The following GRIN2C variants were observed in gnomAD, a reference collection of about 807,000 sequenced individuals.
GRIN2C encodes glutamate ionotropic receptor NMDA type subunit 2C, also known as glutamate receptor ionotropic, NMDA 2C.
GRIN2C carries 64 observed loss-of-function variants against 77.7 expected under a neutral mutation model. The ratio of observed to expected loss-of-function variants is 0.82; its 90% CI spans 0.67 to 1.01. GRIN2C has a LOEUF of 1.01. Among genes scored for constraint, GRIN2C ranks in the 50% least tolerant of loss-of-function variants. GRIN2C has a pLI of 0.00. For synonymous variants in GRIN2C, 792 were observed against 643.4 expected, an observed-to-expected ratio of 1.23 and a Z score of -3.49; for missense variants, 1,549 against 1,486.0, an observed-to-expected ratio of 1.04 and a Z score of -0.70.
At position 74,842,448 on chromosome 17, in the gene GRIN2C, T is replaced by C. The variant is rs776414496; in HGVS notation, c.3689A>G (p.Glu1230Gly). 2.6e-6 allele frequency: 2 copies of C among 775,026 alleles called. No individual in the cohort carries two copies. The highest frequency in any genetic ancestry group is 4.8e-6 in the Non-Finnish European group (2 of 416,246). The allele number at this position is 775,026 out of a possible 1,614,324, so 48.0% of individuals were successfully genotyped here. The change falls in exon 13 of 13, where the codon GAG (glutamate) becomes GGG (glycine). Residue 1230 changes from glutamate (E) to glycine (G), a missense_variant. Glu to Gly is a moderately conservative substitution (Grantham distance 98). Coordinates refer to ENST00000293190, the MANE Select transcript of GRIN2C (RefSeq NM_000835.6). ...PCTWRRISSL[E>G]SEV ...GTGGCTGATAACTCACACTTCTGACTCCAGACTGGAGATCCGTCTCCAGGT... is the reference window on the plus strand; with the variant it reads ...GTGGCTGATAACTCACACTTCTGACCCCAGACTGGAGATCCGTCTCCAGGT...
intron 1 of GRIN2C, among the ~76,000 whole-genome samples, chr17:74,856,779 ATC>A (rs545457167): frequency 3.3e-5 from 5 of 151,696 alleles, no homozygotes; most frequent in Non-Finnish European, 5.9e-5. Flanking sequence ...ACACCCAGCT[ATC>A]TCTCTCTTTT....
intron 7 of GRIN2C, 37 bp from the exon 8 acceptor site, chr17:74,848,014 T>C (rs2037518760): frequency 3.7e-6 from 6 of 1,612,416 alleles, no homozygotes; most frequent in Non-Finnish European, 4.2e-6. Flanking sequence ...GGCCTCGGCA[T>C]GTTCCCTGCC....
intron 2 of GRIN2C, 62 bp from the exon 3 acceptor site, chr17:74,852,673 C>T (rs2037701650): frequency 1.3e-6 from 1 of 747,248 alleles, no homozygotes; most frequent in South Asian, 2.7e-5. Context: ...GCCCCTTCCC[C>T]GACCTCGGCC....
In GRIN2C at chr17:74,849,256, C is replaced by T. The variant is rs1000709621; in HGVS notation, c.1645+524G>A. ...GCCAGCCTCAGCTCTTCCCCTGCCC[C>T]TCGCCTGTCTTCACAGCTCTCTGCC... is the stretch of plus-strand genomic sequence containing the variant. On this transcript the variant is annotated intron_variant, in intron 7 of 12. Coordinates refer to ENST00000293190, the MANE Select transcript of GRIN2C (RefSeq NM_000835.6). This position sits in a 1 kb window ranked among gnomAD's most constrained non-coding sequence, Gnocchi z 4.6. Among the ~76,000 whole-genome samples the T allele has an allele frequency of 6.6e-6, 1 of 152,176 alleles. No homozygotes were observed. The highest frequency in any genetic ancestry group is 1.5e-5 in the Non-Finnish European group (1 of 68,020).
At chr17:74,855,289 C>T (rs689964) in intron 1 of GRIN2C, among the ~76,000 whole-genome samples, 182 bp from the exon 2 acceptor site, 120,316 of 152,150 alleles carry the variant, frequency 0.79, 48,229 homozygotes, top group African/African-American at 0.91. Context: ...GAGAAAGAGA[C>T]AGAGGTTAGT....
At chr17:74,860,811 G>C (rs2037932698), upstream of GRIN2C, 1 of 315,662 alleles carries the variant, frequency 3.2e-6, no homozygotes, top group Non-Finnish European at 6.2e-6. Context: ...AAGGAGATGG[G>C]GCAGAGCTGG....
Position 74,846,128 on chromosome 17 carries a change from A to T in GRIN2C, c.2288T>A (p.Met763Lys). The T allele has an allele frequency of 6.2e-7, 1 of 1,614,196 alleles. No homozygotes were observed. ...VFATTGYGIAMQKDSHWKRAI... is the reference protein window; with the variant it reads ...VFATTGYGIAKQKDSHWKRAI... ...CCGCTTCCAGTGGGAGTCCTTCTGC[A>T]TGGCGATGCCGTAGCCAGTGGTAGC... The change falls in exon 11 of 13, where the codon ATG (methionine) becomes AAG (lysine). Residue 763 changes from methionine (M) to lysine (K), a missense_variant. Around this residue, in one of 3 missense-constraint regions of GRIN2C, gnomAD observed 717 missense variants for 858.1 expected, o/e 0.84. Transcript: ENST00000293190. The surrounding 1 kb of genome is among the most constrained non-coding windows in gnomAD (Gnocchi z 4.4).
chr17:74,842,978 C>A lies in GRIN2C; in HGVS notation c.3159G>T (p.Pro1053=), dbSNP rs1223229343. 2.0e-6 allele frequency: 1 copy of A among 493,638 alleles called. No individual in the cohort carries two copies. The highest frequency in any genetic ancestry group is 3.5e-6 in the Non-Finnish European group (1 of 288,860). 30.6% of individuals were successfully genotyped at this position (493,638 alleles called of 1,614,324 possible). A position where few individuals can be genotyped will look rare whatever the true frequency, so the allele number is the denominator to read the frequency against. The change falls in exon 13 of 13, where the codon CCG becomes CCT. Residue 1053 remains proline, a synonymous_variant. Transcript: ENST00000293190. ...LPLFPELEDL[P]LLGPEQLARR... is the part of the protein sequence containing the mutation. ...GGGCCAGCTGCTCCGGACCGAGCAG[C>A]GGCAGGTCCTCCAGCTCCGGGAAGA...
upstream of GRIN2C, chr17:74,861,456 G>C (rs1046118699): frequency 6.6e-6 from 1 of 151,936 alleles, no homozygotes; most frequent in African/African-American, 2.4e-5. Context: ...CGCCCGCGAC[G>C]AGAGCCCGCG....
At position 74,843,493 on chromosome 17, in the gene GRIN2C, G is replaced by A. The variant is rs932547853; in HGVS notation, c.2644C>T (p.Pro882Ser). ...TGGGCCGAGCTGGCCGTGAGGTCCG[G>A]GCTGGCCTGCCGCGGTGGGCTGGCG... ...SLASPPRQAS[P>S]DLTASSAQAS... Residue 882 changes from proline to serine, a missense_variant, in exon 13 of 13, where the codon CCG becomes TCG. Pro to Ser is a moderately conservative substitution (Grantham distance 74). This residue lies in a region of GRIN2C where 450 missense variants were observed against 267.9 expected (regional missense o/e 1.68). Coordinates refer to ENST00000293190, the MANE Select transcript of GRIN2C (RefSeq NM_000835.6). 2 of 1,533,876 alleles carry A rather than the reference G, an allele frequency of 1.3e-6. No homozygotes were observed. Among genetic ancestry groups the A allele is most frequent in the South Asian group, 2.4e-5 (2 of 83,946 alleles).
Position 74,843,349 on chromosome 17 carries a change from G to A in GRIN2C, c.2788C>T (p.Pro930Ser), listed in dbSNP as rs2037358001. The A allele has an allele frequency of 2.0e-6, 3 of 1,516,964 alleles. No individual in the cohort carries two copies. The highest frequency in any genetic ancestry group is 1.4e-5 in the African/African-American group (1 of 71,904). The allele number at this position is 1,516,964 out of a possible 1,614,324, so 94.0% of individuals were successfully genotyped here. ...IENWGGGRRA[P>S]PPSPCPTPRS... ...GGGGTCGGGCAGGGGGACGGTGGGG[G>A]CGCACGGCGGCCGCCACCCCAATTC... Residue 930 changes from proline (P) to serine (S), a missense_variant, in exon 13 of 13, where the codon CCC becomes TCC. By Grantham distance (74) the Pro-to-Ser change is moderately conservative. Coordinates refer to ENST00000293190, the MANE Select transcript of GRIN2C (RefSeq NM_000835.6).
chr17:74,859,389 T>G lies in GRIN2C; in HGVS notation c.-16+355A>C, dbSNP rs1377538545. 6.6e-6 allele frequency among the ~76,000 whole-genome samples: 1 copy of G among 151,710 alleles called. No individual in the cohort carries two copies. Among genetic ancestry groups the G allele is most frequent in the Non-Finnish European group, 1.5e-5 (1 of 67,884 alleles). ...CCCCTGGCACGGACCTGCACACACATGCACACTCCCGCACTCATACCCGCT... is the reference window on the plus strand; with the variant it reads ...CCCCTGGCACGGACCTGCACACACAGGCACACTCCCGCACTCATACCCGCT... On this transcript the variant is annotated intron_variant, in intron 1 of 12. Transcript: ENST00000293190. This position sits in a 1 kb window ranked among gnomAD's most constrained non-coding sequence, Gnocchi z 5.9.
At position 74,842,170 on chromosome 17, in the gene GRIN2C, G is replaced by A. The variant is rs2037304450; in HGVS notation, c.*265C>T. ...ATGACCAGTAACTGGCTAGCCCCAG[G>A]GAAGGGAGAGCCTCAGGAGTCTGAC... On this transcript the variant is annotated 3_prime_UTR_variant, in exon 13 of 13. Transcript: ENST00000293190. 1 of 444,186 alleles carries A rather than the reference G, an allele frequency of 2.3e-6. No homozygotes were observed. The highest frequency in any genetic ancestry group is 4.0e-6 in the Non-Finnish European group (1 of 251,014). The allele number at this position is 444,186 out of a possible 1,614,324, so 27.5% of individuals were successfully genotyped here.
In GRIN2C at chr17:74,844,425, T is replaced by C. The variant is rs751911556; in HGVS notation, c.2434A>G (p.Ile812Val). The C allele has an allele frequency of 1.1e-5, 17 of 1,614,124 alleles. No individual in the cohort carries two copies. The highest frequency in any genetic ancestry group is 3.3e-5 in the Admixed American group (2 of 60,010). ...TAGAAGACGCCTGCCATGTTGTCGA[T>C]GTCCAGCTTGCTGCTCATCACCTCG... is the stretch of plus-strand genomic sequence containing the variant. ...KNEVMSSKLDIDNMAGVFYML... is the reference protein window; with the variant it reads ...KNEVMSSKLDVDNMAGVFYML... Residue 812 changes from isoleucine (I) to valine (V), a missense_variant, in exon 12 of 13, where the codon ATC becomes GTC. Ile to Val is a conservative substitution (Grantham distance 29). Around this residue, in one of 3 missense-constraint regions of GRIN2C, gnomAD observed 717 missense variants for 858.1 expected, o/e 0.84. Coordinates refer to ENST00000293190, the MANE Select transcript of GRIN2C (RefSeq NM_000835.6).
intron 1 of GRIN2C, among the ~76,000 whole-genome samples, chr17:74,857,306 C>T (rs2037843732): frequency 6.6e-6 from 1 of 152,174 alleles, no homozygotes; most frequent in Non-Finnish European, 1.5e-5. Context: ...AGTTTAACCA[C>T]AATCAGAGCC....
At position 74,846,903 on chromosome 17, in the gene GRIN2C, A is replaced by G. The variant is rs755336746; in HGVS notation, c.2019T>C (p.Asp673=). 4.5e-5 allele frequency: 73 copies of G among 1,609,310 alleles called. No homozygotes were observed. Among genetic ancestry groups the G allele is most frequent in the Non-Finnish European group, 5.3e-5 (62 of 1,176,568 alleles). The change falls in exon 10 of 13, where the codon GAT becomes GAC. Residue 673 remains aspartate (D), a synonymous_variant. Coordinates refer to ENST00000293190, the MANE Select transcript of GRIN2C (RefSeq NM_000835.6). The surrounding 1 kb of genome is among the most constrained non-coding windows in gnomAD (Gnocchi z 4.4). Reference sequence around the variant, plus strand: ...TGCCGAAGCGGAAAGGTGGGTACTGATCTTGAGGCCGCTGAAACTGCAGGC... The same window carrying G: ...TGCCGAAGCGGAAAGGTGGGTACTGGTCTTGAGGCCGCTGAAACTGCAGGC... The part of the protein sequence containing the change: ...LSDKKFQRPQ[D]QYPPFRFGTV...
Position 74,859,029 on chromosome 17 carries a change from G to T in GRIN2C, c.-16+715C>A, listed in dbSNP as rs2037889771. 6.6e-6 allele frequency among the ~76,000 whole-genome samples: 1 copy of T among 151,902 alleles called. No homozygotes were observed. The highest frequency in any genetic ancestry group is 1.5e-5 in the Non-Finnish European group (1 of 67,960). ...CCCCCTGCCCTGGCTTCCCCTCCTG[G>T]GTGGGGAGCTCTGTGTAGTGGTCCC... On this transcript the variant is annotated intron_variant, in intron 1 of 12. Transcript: ENST00000293190. The surrounding 1 kb of genome is among the most constrained non-coding windows in gnomAD (Gnocchi z 5.9).
Position 74,850,941 on chromosome 17 carries a change from T to A in GRIN2C, c.1114-174A>T, listed in dbSNP as rs942816350. 3.2e-6 allele frequency: 2 copies of A among 617,614 alleles called. No homozygotes were observed. The highest frequency in any genetic ancestry group is 3.7e-5 in the African/African-American group (2 of 54,446). The allele number at this position is 617,614 out of a possible 1,614,324, so 38.3% of individuals were successfully genotyped here. A position where few individuals can be genotyped will look rare whatever the true frequency, so the allele number is the denominator to read the frequency against. ...CCTCGGGTCCCTGTGTTCATACAGC[T>A]CCACACTGACCCACAGCATCTTCCT... is the stretch of plus-strand genomic sequence containing the variant. On this transcript the variant is annotated intron_variant, in intron 4 of 12. Coordinates refer to ENST00000293190, the MANE Select transcript of GRIN2C (RefSeq NM_000835.6). The surrounding 1 kb of genome is among the most constrained non-coding windows in gnomAD (Gnocchi z 5.3).
At position 74,846,292 on chromosome 17, in the gene GRIN2C, G is replaced by A. The variant is rs1246411866; in HGVS notation, c.2163-39C>T. ...GAGCCTCAGAGCTAGGGACCATATGGGAGGGGAGGGGACACCGAAACTGGG... is the reference window on the plus strand; with the variant it reads ...GAGCCTCAGAGCTAGGGACCATATGAGAGGGGAGGGGACACCGAAACTGGG... On this transcript the variant is annotated intron_variant, in intron 10 of 12. Transcript: ENST00000293190. This position sits in a 1 kb window ranked among gnomAD's most constrained non-coding sequence, Gnocchi z 4.4. 1 of 1,577,024 alleles carries A rather than the reference G, an allele frequency of 6.3e-7. No individual in the cohort carries two copies. The highest frequency in any genetic ancestry group is 8.7e-7 in the Non-Finnish European group (1 of 1,148,172).
Sources: gnomAD v4.1 joint callset for allele counts (sites outside exome capture counted in the v4.1 genomes callset) on GRCh38, gnomAD v4.1.1 for gene constraint, gnomAD v4.1.1 regional missense constraint, Gnocchi (gnomAD v3.1) non-coding constraint, MANE v1.5 for transcripts, NCBI Gene and HGNC (gene_info 2026-07-23, HGNC 2026-07-21) for gene names.